Variants in GABRB2 observed in about 807,000 individuals in gnomAD.
GABRB2 encodes gamma-aminobutyric acid receptor subunit beta-2.
In GABRB2, 16 loss-of-function variants were observed where a neutral mutation model predicts 54.7. The observed-to-expected ratio is 0.29, with a 90% CI of 0.20 to 0.44. The LOEUF (loss-of-function observed/expected upper bound fraction) is 0.44, where lower values mean the gene tolerates loss of function less well. GABRB2 is among the 20% of genes least tolerant of loss of function. The pLI is 1.00. For missense variants in GABRB2, 355 were observed against 644.0 expected (o/e 0.55, Z 4.86); for synonymous variants, 244 against 233.8 (o/e 1.04, Z -0.40).
At chr5:161,409,467 C>G (rs1022748396) in intron 5 of GABRB2, among the ~76,000 whole-genome samples, 10 of 152,070 alleles carry the variant, frequency 6.6e-5, no homozygotes, top group African/African-American at 2.4e-4. Context: ...AATAAAGAGG[C>G]CTTGTTTACT....
At chr5:161,335,039 G>T in intron 6 of GABRB2, 135 bp from the exon 7 acceptor site, 1 of 835,690 alleles carries the variant, frequency 1.2e-6, no homozygotes, top group Non-Finnish European at 1.8e-6. Context: ...TTCTGCAAAA[G>T]TAGTCTGAGA....
At chr5:161,467,098 G>A (rs1758301907) in intron 3 of GABRB2, among the ~76,000 whole-genome samples, 1 of 151,840 alleles carries the variant, frequency 6.6e-6, no homozygotes, top group Non-Finnish European at 1.5e-5. Flanking sequence ...AATTTGCTTT[G>A]TCCATTAGAA....
chr5:161,496,075 T>G (rs967295561), intron 3 of GABRB2, among the ~76,000 whole-genome samples: 1 of 152,126 alleles, frequency 6.6e-6, no homozygotes, highest in Non-Finnish European at 1.5e-5. Context: ...TTTCTGAGGC[T>G]GTTAAGCCAC....
At chr5:161,458,210 T>C (rs1183286072) in intron 4 of GABRB2, among the ~76,000 whole-genome samples, 1 of 152,206 alleles carries the variant, frequency 6.6e-6, no homozygotes, top group Non-Finnish European at 1.5e-5. Context: ...ATAATTTTAG[T>C]ATCATGTATC....
chr5:161,300,109 A>T (rs528969261), intron 9 of GABRB2, among the ~76,000 whole-genome samples: 93 of 152,254 alleles, frequency 6.1e-4, no homozygotes, highest in African/African-American at 2.2e-3. Flanking sequence ...TGGGAGCAAA[A>T]TTACAAGGTC....
intron 5 of GABRB2, among the ~76,000 whole-genome samples, chr5:161,341,507 A>AT (rs1320840671): frequency 6.6e-6 from 1 of 151,904 alleles, no homozygotes; most frequent in Non-Finnish European, 1.5e-5. Context: ...ATACAAATTC[A>AT]CTGGCATTCA....
chr5:161,537,364 G>T (rs1462013787), intron 3 of GABRB2, among the ~76,000 whole-genome samples: 2 of 151,560 alleles, frequency 1.3e-5, no homozygotes, highest in South Asian at 2.1e-4. Flanking sequence ...TTTTCCAATC[G>T]CCTGCTGGTT....
intron 4 of GABRB2, among the ~76,000 whole-genome samples, chr5:161,425,359 T>C (rs1245474962): frequency 2.0e-5 from 3 of 152,016 alleles, no homozygotes; most frequent in Non-Finnish European, 4.4e-5. Context: ...TTTTAATAAA[T>C]TGTTCCAGAC....
chr5:161,343,873 T>G (rs1754242769), intron 5 of GABRB2, among the ~76,000 whole-genome samples: 1 of 152,076 alleles, frequency 6.6e-6, no homozygotes, highest in Non-Finnish European at 1.5e-5. Context: ...TCAGAAAACC[T>G]TTGGCATACA....
At chr5:161,403,127 G>C (rs549002777) in intron 5 of GABRB2, among the ~76,000 whole-genome samples, 1 of 152,094 alleles carries the variant, frequency 6.6e-6, no homozygotes, top group East Asian at 1.9e-4. Context: ...GGATTACAAC[G>C]TAAGAAAGCC....
chr5:161,436,142 C>T (rs1001150053), intron 4 of GABRB2, among the ~76,000 whole-genome samples: 5 of 152,136 alleles, frequency 3.3e-5, no homozygotes, highest in African/African-American at 9.7e-5. Context: ...TCACTTTCTT[C>T]GTGTGTAAAA....
Position 161,291,874 on chromosome 5 carries a change from T to A in GABRB2, c.*2207A>T, listed in dbSNP as rs1561595631. 1.3e-5 allele frequency: 2 copies of A among 152,360 alleles called. No individual in the cohort carries two copies. Among genetic ancestry groups the A allele is most frequent in the South Asian group, 2.1e-4 (1 of 4,830 alleles). 9.4% of individuals were successfully genotyped at this position (152,360 alleles called of 1,614,324 possible). ...GTTATCAATATGTTCCTTCCTGATG[T>A]TTTTTAGTCAAACTTTACCCCCTGT... On this transcript the variant is annotated 3_prime_UTR_variant, in exon 10 of 10. Transcript: ENST00000393959.
rs374367446 is a variant in GABRB2 at position 161,293,245 on chromosome 5, T to G, written c.*836A>C. On this transcript the variant is annotated 3_prime_UTR_variant, in exon 10 of 10. Coordinates refer to ENST00000393959, the MANE Select transcript of GABRB2 (RefSeq NM_001371727.1). Reference sequence around the variant, plus strand: ...TCACCCTCTGCCACTAGACACAGTATGTATAGACCAGATGCTGTGTGGAGC... The same window carrying G: ...TCACCCTCTGCCACTAGACACAGTAGGTATAGACCAGATGCTGTGTGGAGC... 12 of 152,350 alleles carry G rather than the reference T, an allele frequency of 7.9e-5. No homozygotes were observed. The East Asian group carries it at 2.1e-3, about 27-fold the overall frequency. 9.4% of individuals were successfully genotyped at this position (152,350 alleles called of 1,614,324 possible). A position where few individuals can be genotyped will look rare whatever the true frequency, so the allele number is the denominator to read the frequency against.
At chr5:161,407,276 C>A (rs1756374181) in intron 5 of GABRB2, among the ~76,000 whole-genome samples, 1 of 152,030 alleles carries the variant, frequency 6.6e-6, no homozygotes, top group Non-Finnish European at 1.5e-5. Context: ...GCAGAGTATC[C>A]CCCTGACTAT....
intron 9 of GABRB2, among the ~76,000 whole-genome samples, chr5:161,321,409 A>G (rs1466398307): frequency 1.3e-5 from 2 of 152,050 alleles, no homozygotes; most frequent in Non-Finnish European, 2.9e-5. Flanking sequence ...TTTATTTGGA[A>G]ACCTTAACTC....
chr5:161,337,704 T>G (rs974352240), intron 5 of GABRB2, among the ~76,000 whole-genome samples: 1 of 152,056 alleles, frequency 6.6e-6, no homozygotes, highest in African/African-American at 2.4e-5. Flanking sequence ...AATAAGCACA[T>G]ATTAGATTGT....
chr5:161,353,544 G>T (rs938339212), intron 5 of GABRB2, among the ~76,000 whole-genome samples: 1 of 152,032 alleles, frequency 6.6e-6, no homozygotes, highest in African/African-American at 2.4e-5. Context: ...ATAATGAGGT[G>T]TTTAGGTGAG....
At chr5:161,345,058 G>C (rs1422858286) in intron 5 of GABRB2, among the ~76,000 whole-genome samples, 1 of 152,076 alleles carries the variant, frequency 6.6e-6, no homozygotes, top group Admixed American at 6.6e-5. Context: ...CTGGGGGCTA[G>C]GGGAGGGATA....
At chr5:161,451,578 A>G (rs531144002) in intron 4 of GABRB2, among the ~76,000 whole-genome samples, 1 of 152,306 alleles carries the variant, frequency 6.6e-6, no homozygotes, top group Non-Finnish European at 1.5e-5. Context: ...GTAAATTTTA[A>G]ATAATAGTCC....
Sources: gnomAD v4.1 joint callset for allele counts (sites outside exome capture counted in the v4.1 genomes callset) on GRCh38, gnomAD v4.1.1 for gene constraint, MANE v1.5 for transcripts, NCBI Gene and HGNC (gene_info 2026-07-23, HGNC 2026-07-21) for gene names.